KIF5A: variants seen among roughly 807,000 people sequenced by gnomAD.
KIF5A encodes kinesin heavy chain isoform 5A.
A neutral mutation model predicts 141.3 loss-of-function variants in KIF5A; 35 were observed. The observed-to-expected ratio is 0.25, with a 90% confidence interval of 0.19 to 0.33. The LOEUF is 0.33. Among genes scored for constraint, KIF5A ranks in the 10% least tolerant of loss-of-function variants. KIF5A has a pLI of 1.00. For missense variants in KIF5A, 861 were observed against 1,314.3 expected (o/e 0.66, Z 5.33); for synonymous variants, 448 against 500.2 (o/e 0.90, Z 1.39).
intron 1 of KIF5A, among the ~76,000 whole-genome samples, chr12:57,556,858 C>T (rs1190704124): frequency 1.3e-5 from 2 of 152,144 alleles, no homozygotes; most frequent in Non-Finnish European, 2.9e-5. Context: ...TCTGGCTGCA[C>T]TGGCAGTTGA....
At chr12:57,565,229 G>A (rs533149473) in intron 6 of KIF5A, among the ~76,000 whole-genome samples, 5 of 152,120 alleles carry the variant, frequency 3.3e-5, no homozygotes, top group Non-Finnish European at 7.4e-5. Context: ...AGACCAGCCT[G>A]GCCAATATAG....
intron 11 of KIF5A, 113 bp from the exon 12 acceptor site, chr12:57,569,874 G>A (rs1384046738): frequency 1.4e-6 from 2 of 1,417,314 alleles, no homozygotes; most frequent in Non-Finnish European, 1.9e-6. Context: ...ACTCCCAAAA[G>A]GTAGAGGGTC....
intron 1 of KIF5A, among the ~76,000 whole-genome samples, chr12:57,554,727 C>T (rs116093026): frequency 0.024 from 3,684 of 152,214 alleles, 144 homozygotes; most frequent in African/African-American, 0.079. Context: ...CAGGAAGCTT[C>T]CAGTCATGGT....
At chr12:57,553,544 C>T (rs113087153) in intron 1 of KIF5A, among the ~76,000 whole-genome samples, 31 of 152,222 alleles carry the variant, frequency 2.0e-4, no homozygotes, top group African/African-American at 7.5e-4. Flanking sequence ...CAGTGTCTCT[C>T]CAGCATTACC....
rs1024899175 is a variant in KIF5A at position 57,567,435 on chromosome 12, G to A, written c.590-59G>A. On this transcript the variant is annotated intron_variant, in intron 7 of 28. Transcript: ENST00000455537. ...GGGGCTGGGGTCAGTGGAAGCCGGGGGCTGAGGACCTCAGTTCTGCAGGGT... is the reference window on the plus strand; with the variant it reads ...GGGGCTGGGGTCAGTGGAAGCCGGGAGCTGAGGACCTCAGTTCTGCAGGGT... The A allele has an allele frequency of 8.1e-6, 13 of 1,606,228 alleles. No individual in the cohort carries two copies. The African/African-American group carries it at 1.5e-4, about 18-fold the overall frequency.
chr12:57,574,140 G>A (rs1490177071), intron 15 of KIF5A, among the ~76,000 whole-genome samples: 3 of 151,922 alleles, frequency 2.0e-5, no homozygotes, highest in Non-Finnish European at 4.4e-5. Context: ...AGTTAGAGGT[G>A]GGGCATAGGC....
At chr12:57,551,645 GCTTCTTATGTATCT>G (rs1388016927) in intron 1 of KIF5A, among the ~76,000 whole-genome samples, 1 of 152,166 alleles carries the variant, frequency 6.6e-6, no homozygotes, top group Non-Finnish European at 1.5e-5. Flanking sequence ...GGTCAGAGGT[GCTTCTTATGTATCT>G]TTATCCACAG....
At chr12:57,561,344 A>G (rs796248355) in intron 1 of KIF5A, among the ~76,000 whole-genome samples, 24 of 152,308 alleles carry the variant, frequency 1.6e-4, no homozygotes, top group African/African-American at 5.8e-4. Context: ...CCAGCCCAGC[A>G]GTTGTTTTGT....
At chr12:57,565,120 C>T in intron 6 of KIF5A, 147 bp downstream of exon 6, 1 of 748,110 alleles carries the variant, frequency 1.3e-6, no homozygotes, top group South Asian at 1.6e-5. Context: ...TCTAGGGGAT[C>T]AGAAAAGATA....
intron 19 of KIF5A, 107 bp downstream of exon 19, chr12:57,576,485 CCCT>C (rs2140168399): frequency 1.1e-6 from 1 of 879,612 alleles, no homozygotes; most frequent in East Asian, 2.5e-5. Context: ...ATGTGTCATT[CCCT>C]CAACAATGCC....
intron 1 of KIF5A, among the ~76,000 whole-genome samples, chr12:57,557,422 T>C (rs909175438): frequency 6.6e-6 from 1 of 152,048 alleles, no homozygotes; most frequent in Non-Finnish European, 1.5e-5. Flanking sequence ...ATAATGTAAT[T>C]ACAACACTAA....
chr12:57,576,927 C>T (rs1479900497), intron 20 of KIF5A, 65 bp downstream of exon 20: 16 of 1,202,976 alleles, frequency 1.3e-5, no homozygotes, highest in South Asian at 3.7e-5. Context: ...AACTCAGACA[C>T]GCTTGCAGAG....
intron 20 of KIF5A, 52 bp downstream of exon 20, chr12:57,576,914 G>A (rs1474391698): frequency 2.2e-6 from 3 of 1,356,756 alleles, no homozygotes; most frequent in African/African-American, 1.4e-5. Context: ...GCTCAGAACT[G>A]TGAACTCAGA....
At chr12:57,558,892 C>T (rs1293515942) in intron 1 of KIF5A, among the ~76,000 whole-genome samples, 1 of 152,174 alleles carries the variant, frequency 6.6e-6, no homozygotes, top group Non-Finnish European at 1.5e-5. Context: ...CATCCTGCCT[C>T]AGCCTGCTGA....
At chr12:57,579,581 A>AGGGC (rs1882532722) in intron 23 of KIF5A, among the ~76,000 whole-genome samples, 1 of 152,106 alleles carries the variant, frequency 6.6e-6, no homozygotes, top group Non-Finnish European at 1.5e-5. Context: ...AGGCCTGCAG[A>AGGGC]GGGCTTTGCT....
intron 8 of KIF5A, among the ~76,000 whole-genome samples, 197 bp from the exon 9 acceptor site, chr12:57,568,765 TA>T (rs1271677879): frequency 1.3e-5 from 2 of 151,198 alleles, no homozygotes; most frequent in Admixed American, 6.6e-5. Flanking sequence ...TGGCAGGGGT[TA>T]GGGGCAATGT....
At position 57,585,721 on chromosome 12, in the gene KIF5A, CCTT is replaced by C. The variant is rs1882739431; in HGVS notation, c.*1542_*1544del. ...GCGCAGGCTGCACTGGCCCATGACT[CCTT>C]CAAGGAAAAGAGGCCCTGCTCCCTT... On this transcript the variant is annotated 3_prime_UTR_variant, in exon 29 of 29. Transcript: ENST00000455537. 1 of 152,256 alleles carries C rather than the reference CCTT, an allele frequency of 6.6e-6. No individual in the cohort carries two copies. The highest frequency in any genetic ancestry group is 2.4e-5 in the African/African-American group (1 of 41,448). 9.4% of individuals were successfully genotyped at this position (152,256 alleles called of 1,614,324 possible). A position where few individuals can be genotyped will look rare whatever the true frequency, so the allele number is the denominator to read the frequency against.
At chr12:57,582,535 C>A in intron 26 of KIF5A, 67 bp from the exon 27 acceptor site, 1 of 1,304,204 alleles carries the variant, frequency 7.7e-7, no homozygotes, top group Non-Finnish European at 1.1e-6. Flanking sequence ...TTTGCGCAAA[C>A]TGTTTCTAAC....
chr12:57,570,731 A>T (rs970029820), intron 12 of KIF5A, among the ~76,000 whole-genome samples: 1 of 152,156 alleles, frequency 6.6e-6, no homozygotes, highest in South Asian at 2.1e-4. Flanking sequence ...GCATTATATT[A>T]TGCACAATTT....
Sources: gnomAD v4.1 joint callset for allele counts (sites outside exome capture counted in the v4.1 genomes callset) on GRCh38, gnomAD v4.1.1 for gene constraint, MANE v1.5 for transcripts, NCBI Gene and HGNC (gene_info 2026-07-23, HGNC 2026-07-21) for gene names.